NRG3: variants seen among roughly 807,000 people sequenced by gnomAD.
The protein encoded by NRG3 is neuregulin 3.
NRG3 carries 31 observed loss-of-function variants against 66.9 expected under a neutral mutation model. The ratio of observed to expected loss-of-function variants is 0.46; its 90% CI spans 0.35 to 0.63. NRG3 has a LOEUF of 0.63. Ranked by LOEUF, NRG3 falls within the 20% of genes least tolerant of loss-of-function variation. The pLI, the probability that NRG3 is intolerant of heterozygous loss-of-function variation, is 0.00. For synonymous variants in NRG3, 393 were observed against 359.4 expected, an observed-to-expected ratio of 1.09 and a Z score of -1.06; for missense variants, 910 against 878.9, an observed-to-expected ratio of 1.04 and a Z score of -0.45.
At chr10:82,375,309 G>A (rs926987747) in intron 2 of NRG3, among the ~76,000 whole-genome samples, 4 of 152,056 alleles carry the variant, frequency 2.6e-5, no homozygotes, top group South Asian at 2.1e-4. Flanking sequence ...AGGCCGAGGC[G>A]GGCGGATCAC....
At chr10:82,854,425 A>C (rs1215938584) in intron 3 of NRG3, among the ~76,000 whole-genome samples, 2 of 152,138 alleles carry the variant, frequency 1.3e-5, no homozygotes, top group African/African-American at 2.4e-5. Flanking sequence ...GAATGCTTGG[A>C]GTTTTGGGGA....
intron 2 of NRG3, among the ~76,000 whole-genome samples, chr10:82,380,917 C>T (rs1004879965): frequency 1.3e-5 from 2 of 152,070 alleles, no homozygotes; most frequent in Non-Finnish European, 1.5e-5. Flanking sequence ...AGTAGAATGG[C>T]AGCGGATTAC....
intron 1 of NRG3, among the ~76,000 whole-genome samples, chr10:82,255,369 G>C (rs954726914): frequency 6.6e-6 from 1 of 152,136 alleles, no homozygotes; most frequent in Non-Finnish European, 1.5e-5. Flanking sequence ...AACAGAAAAG[G>C]ACATGGGGTA....
intron 2 of NRG3, among the ~76,000 whole-genome samples, chr10:82,455,323 T>C (rs763965292): frequency 6.6e-6 from 1 of 152,226 alleles, no homozygotes; most frequent in Non-Finnish European, 1.5e-5. Context: ...CTATATTGTA[T>C]GGCCTGCTGT....
chr10:82,617,440 A>G (rs1459605287), intron 2 of NRG3, among the ~76,000 whole-genome samples: 1 of 152,070 alleles, frequency 6.6e-6, no homozygotes. Context: ...CATGGAGAAA[A>G]GGGGAGTCTG....
chr10:82,687,836 T>C (rs898715868), intron 2 of NRG3, among the ~76,000 whole-genome samples: 1 of 152,158 alleles, frequency 6.6e-6, no homozygotes, highest in African/African-American at 2.4e-5. Context: ...ATCTCCCAAA[T>C]CTGGTCCTTT....
chr10:81,967,486 AT>A (rs1192767764), intron 1 of NRG3, among the ~76,000 whole-genome samples: 2 of 152,106 alleles, frequency 1.3e-5, no homozygotes, highest in African/African-American at 4.8e-5. Context: ...TGAAAAAAGT[AT>A]GTATTTTCAT....
At chr10:82,385,781 T>C (rs73316172) in intron 2 of NRG3, among the ~76,000 whole-genome samples, 61 of 152,246 alleles carry the variant, frequency 4.0e-4, no homozygotes, top group African/African-American at 1.5e-3. Flanking sequence ...GTTTATAAAA[T>C]GGGTTGTCCT....
chr10:82,478,125 T>C (rs1392112874), intron 2 of NRG3, among the ~76,000 whole-genome samples: 1 of 152,158 alleles, frequency 6.6e-6, no homozygotes, highest in East Asian at 1.9e-4. Flanking sequence ...CTAAGCTCTT[T>C]AATAGGGCAC....
At chr10:82,105,022 A>G (rs1360309308) in intron 1 of NRG3, among the ~76,000 whole-genome samples, 3 of 152,208 alleles carry the variant, frequency 2.0e-5, no homozygotes, top group Non-Finnish European at 4.4e-5. Context: ...AGGGTTTCAT[A>G]TGGAAAAATA....
At chr10:82,220,349 C>T (rs993977922) in intron 1 of NRG3, among the ~76,000 whole-genome samples, 2 of 152,134 alleles carry the variant, frequency 1.3e-5, no homozygotes, top group East Asian at 3.9e-4. Flanking sequence ...AACTCAAATC[C>T]AAGCACATGG....
intron 3 of NRG3, among the ~76,000 whole-genome samples, chr10:82,801,122 G>A (rs150821564): frequency 1.6e-4 from 25 of 152,292 alleles, no homozygotes; most frequent in Non-Finnish European, 3.1e-4. Flanking sequence ...GCATGTGATG[G>A]AACATGCCTA....
chr10:82,983,115 C>G (rs1853093554), intron 8 of NRG3, among the ~76,000 whole-genome samples: 1 of 152,314 alleles, frequency 6.6e-6, no homozygotes, highest in South Asian at 2.1e-4. Flanking sequence ...CACATATCAA[C>G]TTACCAGATT....
chr10:82,355,401 T>C (rs562438695), intron 1 of NRG3, among the ~76,000 whole-genome samples: 2 of 152,322 alleles, frequency 1.3e-5, no homozygotes, highest in South Asian at 4.1e-4. Flanking sequence ...TTATGTTCTA[T>C]TTTATGTGTT....
At chr10:82,291,862 A>G (rs1368293825) in intron 1 of NRG3, among the ~76,000 whole-genome samples, 2 of 152,232 alleles carry the variant, frequency 1.3e-5, no homozygotes, top group South Asian at 2.1e-4. Context: ...ACATAAAGCT[A>G]TAAAACTTTT....
intron 4 of NRG3, among the ~76,000 whole-genome samples, chr10:82,870,773 C>T (rs894078308): frequency 2.6e-5 from 4 of 152,102 alleles, no homozygotes; most frequent in Non-Finnish European, 4.4e-5. Flanking sequence ...ATTTTTTAAT[C>T]AGTTTGTTTT....
intron 5 of NRG3, among the ~76,000 whole-genome samples, chr10:82,956,150 G>A (rs1850028462): frequency 6.6e-6 from 1 of 151,846 alleles, no homozygotes; most frequent in Non-Finnish European, 1.5e-5. Context: ...GACAAATAAT[G>A]CCTAACAATG....
chr10:81,945,935 C>T (rs1323303616), intron 1 of NRG3, among the ~76,000 whole-genome samples: 1 of 152,142 alleles, frequency 6.6e-6, no homozygotes, highest in African/African-American at 2.4e-5. Flanking sequence ...CAGGAAACCA[C>T]CGGAAGCTAG....
intron 3 of NRG3, among the ~76,000 whole-genome samples, chr10:82,851,454 AC>A (rs2063556756): frequency 6.6e-6 from 1 of 152,152 alleles, no homozygotes; most frequent in Admixed American, 6.6e-5. Flanking sequence ...CTTCTCCCAG[AC>A]ATTTTGGATT....
Sources: gnomAD v4.1 joint callset for allele counts (sites outside exome capture counted in the v4.1 genomes callset) on GRCh38, gnomAD v4.1.1 for gene constraint, MANE v1.5 for transcripts, NCBI Gene and HGNC (gene_info 2026-07-23, HGNC 2026-07-21) for gene names.